SPSB1: variants seen among roughly 807,000 people sequenced by gnomAD.
The protein encoded by SPSB1 is splA/ryanodine receptor domain and SOCS box containing 1.
Under a neutral mutation model 21.2 loss-of-function variants are expected in SPSB1, and 8 were observed. The observed-to-expected ratio is 0.38, with a 90% CI of 0.22 to 0.68. The LOEUF (loss-of-function observed/expected upper bound fraction) is 0.68, where lower values mean the gene tolerates loss of function less well. SPSB1 is among the 30% of genes least tolerant of loss of function. SPSB1 has a pLI of 0.53. For synonymous variants in SPSB1, 169 were observed against 161.7 expected, an observed-to-expected ratio of 1.05 and a Z score of -0.34; for missense variants, 242 against 377.8, an observed-to-expected ratio of 0.64 and a Z score of 2.98.
Position 9,321,399 on chromosome 1 carries a change from G to A in SPSB1, c.-150+28328G>A, listed in dbSNP as rs139752168. On this transcript the variant is annotated intron_variant, in intron 1 of 2. Coordinates refer to ENST00000328089, the MANE Select transcript of SPSB1 (RefSeq NM_025106.4). The surrounding 1 kb of genome is among the most constrained non-coding windows in gnomAD (Gnocchi z 4.8). ...AGCTCCAGGGCCCATTCTTGGGAGA[G>A]AGCGGATCCTGTGTGATTTTACGGA... Among the ~76,000 whole-genome samples, 1 of 152,314 alleles carries A rather than the reference G, an allele frequency of 6.6e-6. No individual in the cohort carries two copies. Among genetic ancestry groups the A allele is most frequent in the East Asian group, 1.9e-4 (1 of 5,176 alleles).
In SPSB1 at chr1:9,293,947, A is replaced by G. The variant is rs1639164531; in HGVS notation, c.-150+876A>G. On this transcript the variant is annotated intron_variant, in intron 1 of 2. Coordinates refer to ENST00000328089, the MANE Select transcript of SPSB1 (RefSeq NM_025106.4). This position sits in a 1 kb window ranked among gnomAD's most constrained non-coding sequence, Gnocchi z 5.1. ...GGGTGTGTGTGTGAGTGTGTCTCTA[A>G]GTGCATCTGTGTATTTATGTGCCTC... Among the ~76,000 whole-genome samples, 1 of 150,924 alleles carries G rather than the reference A, an allele frequency of 6.6e-6. No homozygotes were observed. Among genetic ancestry groups the G allele is most frequent in the African/African-American group, 2.4e-5 (1 of 40,958 alleles).
At chr1:9,350,183 A>T (rs1358857942) in intron 1 of SPSB1, among the ~76,000 whole-genome samples, 2 of 152,208 alleles carry the variant, frequency 1.3e-5, no homozygotes, top group Non-Finnish European at 2.9e-5. Context: ...CACGGCATTT[A>T]TGCCTGTGAT....
At chr1:9,325,237 C>CCT (rs1491518599) in intron 1 of SPSB1, among the ~76,000 whole-genome samples, 1 of 140,870 alleles carries the variant, frequency 7.1e-6, no homozygotes, top group African/African-American at 2.8e-5. Context: ...CCCCCCCCCC[C>CCT]GCCCCGCCTC....
chr1:9,352,086 G>A (rs1302474767), intron 1 of SPSB1, among the ~76,000 whole-genome samples: 1 of 152,208 alleles, frequency 6.6e-6, no homozygotes, highest in Non-Finnish European at 1.5e-5. Context: ...GTGAGGGGGT[G>A]GAGGGAAGGT....
Position 9,355,749 on chromosome 1 carries a change from C to G in SPSB1, c.-143C>G, listed in dbSNP as rs1569652104. On this transcript the variant is annotated 5_prime_UTR_variant, in exon 2 of 3. Transcript: ENST00000328089. ...TTGTCTTTCCGTCCATTAGGCAATA[C>G]TGAACACTGCGCAGCTTGCAGAGGT... The G allele has an allele frequency of 6.9e-7, 1 of 1,452,340 alleles. No individual in the cohort carries two copies. The highest frequency in any genetic ancestry group is 2.4e-5 in the East Asian group (1 of 41,560). 90.0% of individuals were successfully genotyped at this position (1,452,340 alleles called of 1,614,324 possible).
chr1:9,330,932 C>A (rs887375937), intron 1 of SPSB1, among the ~76,000 whole-genome samples: 1 of 140,214 alleles, frequency 7.1e-6, no homozygotes. Context: ...TAATTTTCTG[C>A]GTCTTTTTTT....
intron 1 of SPSB1, among the ~76,000 whole-genome samples, chr1:9,352,765 T>C (rs910068716): frequency 2.6e-5 from 4 of 151,552 alleles, no homozygotes; most frequent in African/African-American, 9.7e-5. Context: ...CTCCCTGTTA[T>C]GGTCCCTCCT....
chr1:9,365,102 C>T (rs1442097522), intron 2 of SPSB1, among the ~76,000 whole-genome samples: 1 of 152,182 alleles, frequency 6.6e-6, no homozygotes, highest in Non-Finnish European at 1.5e-5. Flanking sequence ...GGTAATGCGC[C>T]GGCCTCGGCC....
At position 9,355,827 on chromosome 1, in the gene SPSB1, G is replaced by A. The variant is rs890910546; in HGVS notation, c.-65G>A. The A allele has an allele frequency of 1.3e-6, 2 of 1,514,676 alleles. No individual in the cohort carries two copies. Among genetic ancestry groups the A allele is most frequent in the Admixed American group, 2.2e-5 (1 of 44,906 alleles). 93.8% of individuals were successfully genotyped at this position (1,514,676 alleles called of 1,614,324 possible). A position where few individuals can be genotyped will look rare whatever the true frequency, so the allele number is the denominator to read the frequency against. ...GTCTGGCCCCGATCAGAATACTGGA[G>A]ACGAGACCACGAGATTGATGAGTTT... On this transcript the variant is annotated 5_prime_UTR_variant, in exon 2 of 3. Coordinates refer to ENST00000328089, the MANE Select transcript of SPSB1 (RefSeq NM_025106.4).
At chr1:9,350,027 A>G (rs1310763995) in intron 1 of SPSB1, among the ~76,000 whole-genome samples, 4 of 152,072 alleles carry the variant, frequency 2.6e-5, no homozygotes, top group Non-Finnish European at 4.4e-5. Context: ...ATATACACAC[A>G]TGAAGACACA....
At chr1:9,296,119 T>C (rs1639220270) in intron 1 of SPSB1, among the ~76,000 whole-genome samples, 1 of 152,160 alleles carries the variant, frequency 6.6e-6, no homozygotes. Flanking sequence ...CAGAGTGCTT[T>C]ATGGACGTGA....
chr1:9,331,206 G>A (rs1356639638), intron 1 of SPSB1, among the ~76,000 whole-genome samples: 1 of 151,950 alleles, frequency 6.6e-6, no homozygotes, highest in Admixed American at 6.6e-5. Flanking sequence ...ATATCAGAGT[G>A]GTCTGCCTAA....
intron 1 of SPSB1, among the ~76,000 whole-genome samples, chr1:9,303,751 A>C (rs1360073196): frequency 6.6e-6 from 1 of 152,154 alleles, no homozygotes; most frequent in East Asian, 1.9e-4. Context: ...TTGGAGATTA[A>C]GTATGGTTTA....
chr1:9,322,468 G>C (rs151053267), intron 1 of SPSB1, among the ~76,000 whole-genome samples: 1 of 152,268 alleles, frequency 6.6e-6, no homozygotes, highest in Non-Finnish European at 1.5e-5. Flanking sequence ...TCACCTGCAC[G>C]ATCTGTCACC....
intron 1 of SPSB1, among the ~76,000 whole-genome samples, chr1:9,325,084 G>A (rs903967275): frequency 6.6e-6 from 1 of 152,230 alleles, no homozygotes; most frequent in Admixed American, 6.5e-5. Flanking sequence ...GCTGGAAGCT[G>A]GGACTCCAGA....
rs756965476 is a variant in SPSB1 at position 9,309,299 on chromosome 1, AGAGTGT to A, written c.-150+16230_-150+16235del. On this transcript the variant is annotated intron_variant, in intron 1 of 2. Coordinates refer to ENST00000328089, the MANE Select transcript of SPSB1 (RefSeq NM_025106.4). ...GAGAGAGTGTGAGAGAGAGAGAGAGAGAGTGTGTGTGTGTGTGTGTGTGTGTGTGTG... is the reference window on the plus strand; with the variant it reads ...GAGAGAGTGTGAGAGAGAGAGAGAGAGTGTGTGTGTGTGTGTGTGTGTGTG... Among the ~76,000 whole-genome samples the A allele has an allele frequency of 9.3e-3, 1,009 of 108,028 alleles. 15 individuals are homozygous for A. Among genetic ancestry groups the A allele is most frequent in the African/African-American group, 0.041 (938 of 23,054 alleles). 70.9% of individuals were successfully genotyped at this position (108,028 alleles called of 152,430 possible).
chr1:9,333,849 G>A (rs1198756432), intron 1 of SPSB1, among the ~76,000 whole-genome samples: 1 of 152,182 alleles, frequency 6.6e-6, no homozygotes, highest in Non-Finnish European at 1.5e-5. Flanking sequence ...GCGCGGCTCC[G>A]GGGAAAACAG....
chr1:9,330,217 C>T (rs918630640), intron 1 of SPSB1, among the ~76,000 whole-genome samples: 1 of 152,190 alleles, frequency 6.6e-6, no homozygotes, highest in Non-Finnish European at 1.5e-5. Flanking sequence ...CCTGTAATCC[C>T]AGCACTTTGG....
chr1:9,337,065 T>C (rs1307039231), intron 1 of SPSB1, among the ~76,000 whole-genome samples: 2 of 152,132 alleles, frequency 1.3e-5, no homozygotes, highest in Non-Finnish European at 2.9e-5. Flanking sequence ...CAAATGCTCC[T>C]GGCATTCTAA....
Sources: allele counts gnomAD v4.1 joint callset (sites outside exome capture counted in the v4.1 genomes callset), GRCh38; gene constraint gnomAD v4.1.1; non-coding constraint Gnocchi (gnomAD v3.1); transcripts MANE v1.5; gene names NCBI Gene and HGNC (gene_info 2026-07-23, HGNC 2026-07-21).